SLC9A2: variants seen among roughly 807,000 people sequenced by gnomAD.
SLC9A2 encodes the protein solute carrier family 9 member A2.
Under a neutral mutation model 71.7 loss-of-function variants are expected in SLC9A2, and 42 were observed. That is an observed-to-expected ratio of 0.59 (90% CI 0.46 to 0.76). The LOEUF (loss-of-function observed/expected upper bound fraction) is 0.76, where lower values mean the gene tolerates loss of function less well. Ranked by LOEUF, SLC9A2 falls within the 30% of genes least tolerant of loss-of-function variation. The probability of loss-of-function intolerance (pLI) is 0.00; values close to 1 mark genes in which losing one functional copy is unlikely to be tolerated. For missense variants in SLC9A2, 829 were observed against 1,017.4 expected, an observed-to-expected ratio of 0.81 and a Z score of 2.52; for synonymous variants, 396 against 392.5, an observed-to-expected ratio of 1.01 and a Z score of -0.10.
chr2:102,671,997 T>C (rs1677260361), intron 3 of SLC9A2, among the ~76,000 whole-genome samples: 1 of 151,978 alleles, frequency 6.6e-6, no homozygotes, highest in South Asian at 2.1e-4. Flanking sequence ...TCCCAGCTGC[T>C]ACTTGGGAGG....
intron 5 of SLC9A2, among the ~76,000 whole-genome samples, chr2:102,690,844 C>T (rs1341470628): frequency 6.6e-6 from 1 of 151,788 alleles, no homozygotes; most frequent in Non-Finnish European, 1.5e-5. Context: ...AAAATCGTTT[C>T]TATAAGTTTT....
intron 1 of SLC9A2, among the ~76,000 whole-genome samples, chr2:102,632,185 T>C: frequency 7.2e-6 from 1 of 139,486 alleles, no homozygotes; most frequent in Admixed American, 7.5e-5. Context: ...TACATACATA[T>C]ATATATAAAT....
chr2:102,637,105 T>G (rs1327492966), intron 1 of SLC9A2, among the ~76,000 whole-genome samples: 3 of 152,346 alleles, frequency 2.0e-5, no homozygotes, highest in African/African-American at 7.2e-5. Context: ...CCGTTGAATC[T>G]GTTTCATAGC....
rs1676095043 is a variant in SLC9A2, at chr2:102,619,706, C to A, written c.-143C>A. 1.5e-6 allele frequency: 1 copy of A among 668,834 alleles called. No homozygotes were observed. The highest frequency in any genetic ancestry group is 2.3e-6 in the Non-Finnish European group (1 of 441,706). The allele number at this position is 668,834 out of a possible 1,614,324, so 41.4% of individuals were successfully genotyped here. ...GGACCTAGCCCTCTGGTTGCAGAGA[C>A]CCGGTGCCGCAGCAGCGGCGGGTGG... is the stretch of plus-strand genomic sequence containing the variant. On this transcript the variant is annotated 5_prime_UTR_variant, in exon 1 of 12. Transcript: ENST00000233969. The surrounding 1 kb of genome is among the most constrained non-coding windows in gnomAD (Gnocchi z 4.3).
intron 3 of SLC9A2, among the ~76,000 whole-genome samples, chr2:102,678,368 G>C (rs578145751): frequency 3.6e-4 from 55 of 151,844 alleles, no homozygotes; most frequent in South Asian, 2.9e-3. Context: ...GCATGAAAAG[G>C]GGGGGGAAGG....
chr2:102,683,531 G>A, intron 4 of SLC9A2, 53 bp downstream of exon 4: 1 of 1,368,900 alleles, frequency 7.3e-7, no homozygotes, highest in Admixed American at 1.8e-5. Context: ...CTAATTGAAT[G>A]GGGCTTTCCT....
Position 102,708,149 on chromosome 2 carries a change from C to T in SLC9A2, c.2099C>T (p.Ala700Val), listed in dbSNP as rs199943468. 255 of 1,613,442 alleles carry T rather than the reference C, an allele frequency of 1.6e-4. No homozygotes were observed. The highest frequency in any genetic ancestry group is 2.1e-4 in the Non-Finnish European group (249 of 1,179,804). Reference sequence around the variant, plus strand: ...AATAGCAGCGACTCAGACGCAGATGCCGGGACCACCGTGCTCAATTTGCAG... The same window carrying T: ...AATAGCAGCGACTCAGACGCAGATGTCGGGACCACCGTGCTCAATTTGCAG... ...DGNSSDSDADAGTTVLNLQPR... is the reference protein window; with the variant it reads ...DGNSSDSDADVGTTVLNLQPR... Residue 700 changes from alanine (A) to valine (V), a missense_variant, in exon 12 of 12, where the codon GCC (alanine) becomes GTC (valine). By Grantham distance (64) the Ala-to-Val change is moderately conservative (BLOSUM62 0). Coordinates refer to ENST00000233969, the MANE Select transcript of SLC9A2 (RefSeq NM_003048.6).
intron 1 of SLC9A2, among the ~76,000 whole-genome samples, chr2:102,655,490 T>C (rs1261183208): frequency 6.6e-6 from 1 of 152,180 alleles, no homozygotes; most frequent in Non-Finnish European, 1.5e-5. Flanking sequence ...AATTAAAAAA[T>C]AGTTTGTTGA....
chr2:102,701,641 T>G (rs1677876497), intron 8 of SLC9A2, among the ~76,000 whole-genome samples: 1 of 152,146 alleles, frequency 6.6e-6, no homozygotes, highest in Admixed American at 6.5e-5. Flanking sequence ...TTCTTGTGCT[T>G]GGGAACTCTA....
chr2:102,672,863 C>T (rs1677281610), intron 3 of SLC9A2, among the ~76,000 whole-genome samples: 1 of 152,002 alleles, frequency 6.6e-6, no homozygotes, highest in African/African-American at 2.4e-5. Context: ...TATTTTCTTG[C>T]CTCATCTTCT....
At chr2:102,683,151 G>T (rs983139216) in intron 3 of SLC9A2, 110 bp from the exon 4 acceptor site, 1 of 732,682 alleles carries the variant, frequency 1.4e-6, no homozygotes, top group Admixed American at 2.1e-5. Flanking sequence ...CGATGATGTT[G>T]TAGTCTTGGG....
At chr2:102,669,250 C>T (rs1044593870) in intron 3 of SLC9A2, among the ~76,000 whole-genome samples, 3 of 152,034 alleles carry the variant, frequency 2.0e-5, no homozygotes, top group Non-Finnish European at 2.9e-5. Context: ...ATTTGGTTTC[C>T]CCTTTGTGGC....
At chr2:102,658,303 T>G (rs1396088975) in intron 2 of SLC9A2, among the ~76,000 whole-genome samples, 1 of 152,160 alleles carries the variant, frequency 6.6e-6, no homozygotes, top group Non-Finnish European at 1.5e-5. Flanking sequence ...AGCTGGTCTG[T>G]GCTGACAAGG....
chr2:102,691,609 G>A (rs1677663680), intron 5 of SLC9A2, among the ~76,000 whole-genome samples: 3 of 152,160 alleles, frequency 2.0e-5, no homozygotes. Flanking sequence ...TATTGAGCAT[G>A]ATATGACTAT....
chr2:102,700,239 C>T (rs1285276704), intron 7 of SLC9A2, among the ~76,000 whole-genome samples: 2 of 152,150 alleles, frequency 1.3e-5, no homozygotes, highest in Non-Finnish European at 1.5e-5. Context: ...TAGCCAAAAG[C>T]TCATATCTGG....
At position 102,657,659 on chromosome 2, in the gene SLC9A2, G is replaced by C; in HGVS notation, c.385G>C (p.Asp129His). The change falls in exon 2 of 12, where the codon GAT becomes CAT. Residue 129 changes from aspartate (D) to histidine (H), a missense_variant. By Grantham distance (81) the Asp-to-His change is moderately conservative. Transcript: ENST00000233969. Reference sequence around the variant, plus strand: ...ACTAGGTGGGATTATTTTTGGTGTTGATGAGAAGTCTCCCCCTGCAATGAA... The same window carrying C: ...ACTAGGTGGGATTATTTTTGGTGTTCATGAGAAGTCTCCCCCTGCAATGAA... The part of the protein sequence containing the change: ...LLLGGIIFGV[D>H]EKSPPAMKTD... 1 of 1,614,110 alleles carries C rather than the reference G, an allele frequency of 6.2e-7. No individual in the cohort carries two copies. Among genetic ancestry groups the C allele is most frequent in the Non-Finnish European group, 8.5e-7 (1 of 1,179,992 alleles).
intron 1 of SLC9A2, among the ~76,000 whole-genome samples, chr2:102,643,123 C>T (rs1676642006): frequency 6.6e-6 from 1 of 152,104 alleles, no homozygotes; most frequent in Non-Finnish European, 1.5e-5. Context: ...GTCTTTTTGT[C>T]AGTCAGGGGT....
At chr2:102,644,579 T>C (rs1457791814) in intron 1 of SLC9A2, among the ~76,000 whole-genome samples, 1 of 152,234 alleles carries the variant, frequency 6.6e-6, no homozygotes, top group Non-Finnish European at 1.5e-5. Context: ...AAATTCTTGC[T>C]GCCAGCACAG....
chr2:102,690,738 A>G (rs1403324348), intron 5 of SLC9A2, among the ~76,000 whole-genome samples: 1 of 152,210 alleles, frequency 6.6e-6, no homozygotes, highest in Admixed American at 6.5e-5. Flanking sequence ...CACTGTTTGC[A>G]CAACTGCATT....
Sources: gnomAD v4.1 joint callset for allele counts (sites outside exome capture counted in the v4.1 genomes callset) on GRCh38, gnomAD v4.1.1 for gene constraint, Gnocchi (gnomAD v3.1) non-coding constraint, MANE v1.5 for transcripts, NCBI Gene and HGNC (gene_info 2026-07-23, HGNC 2026-07-21) for gene names.